HDAC9: variants seen among roughly 807,000 people sequenced by gnomAD.
HDAC9 encodes the protein MEF-2 interacting transcription repressor (MITR) protein.
HDAC9 carries 41 observed loss-of-function variants against 139.4 expected under a neutral mutation model. That is an observed-to-expected ratio of 0.29 (90% CI 0.23 to 0.38). The LOEUF is 0.38. HDAC9 is among the 10% of genes least tolerant of loss of function. HDAC9 has a pLI of 1.00. For synonymous variants in HDAC9, 517 were observed against 476.2 expected (o/e 1.09, Z -1.12); for missense variants, 1,147 against 1,297.0 (o/e 0.88, Z 1.78).
intron 1 of HDAC9, among the ~76,000 whole-genome samples, chr7:18,313,718 G>C (rs1000942252): frequency 1.4e-4 from 22 of 152,206 alleles, no homozygotes; most frequent in Middle Eastern, 3.4e-3. Context: ...TAAACCACTG[G>C]AATAATAACA....
chr7:18,741,235 A>G (rs538424019), intron 13 of HDAC9, among the ~76,000 whole-genome samples: 7 of 152,358 alleles, frequency 4.6e-5, no homozygotes, highest in African/African-American at 1.7e-4. Context: ...ACTTTAAGAG[A>G]TAGAGAGAAA....
chr7:18,563,838 CTTT>C (rs374816857), intron 2 of HDAC9, among the ~76,000 whole-genome samples: 4 of 132,956 alleles, frequency 3.0e-5, no homozygotes, highest in Non-Finnish European at 3.2e-5. Flanking sequence ...TGATTTGCTG[CTTT>C]TTTTTTTTTT....
At chr7:18,219,785 A>C (rs1191787573) in intron 2 of HDAC9, among the ~76,000 whole-genome samples, 1 of 152,218 alleles carries the variant, frequency 6.6e-6, no homozygotes, top group Non-Finnish European at 1.5e-5. Flanking sequence ...TGATATTTTC[A>C]TAATAATTGG....
chr7:18,281,244 C>A (rs898588842), intron 2 of HDAC9, among the ~76,000 whole-genome samples: 1 of 152,320 alleles, frequency 6.6e-6, no homozygotes, highest in East Asian at 1.9e-4. Context: ...GATAAACTTT[C>A]TATATGATGA....
intron 1 of HDAC9, among the ~76,000 whole-genome samples, chr7:18,442,174 A>G (rs1791842374): frequency 2.6e-5 from 4 of 152,186 alleles, no homozygotes; most frequent in Admixed American, 2.6e-4. Flanking sequence ...AGCAACCTAC[A>G]GATGATAGAT....
chr7:18,652,252 A>G (rs1789523758), intron 11 of HDAC9, among the ~76,000 whole-genome samples: 2 of 152,110 alleles, frequency 1.3e-5, no homozygotes, highest in South Asian at 2.1e-4. Flanking sequence ...TTGCCAGTAC[A>G]CCTTGCTTTT....
In HDAC9 at chr7:18,107,355, T is replaced by C. The variant is rs554544609; in HGVS notation, c.-97+20142T>C. On this transcript the variant is annotated intron_variant, in intron 1 of 12. Transcript: ENST00000417496. ...CTCCATAGAAAGTGTTTGGTAAGTT[T>C]TGAACAAATGATTAGACATCCTTTG... 7.7e-4 allele frequency among the ~76,000 whole-genome samples: 118 copies of C among 152,346 alleles called. 1 individual carries two copies. Among genetic ancestry groups the C allele is most frequent in the Non-Finnish European group, 1.5e-3 (101 of 68,028 alleles).
chr7:18,357,856 C>A (rs1233066819), intron 1 of HDAC9, among the ~76,000 whole-genome samples: 1 of 152,134 alleles, frequency 6.6e-6, no homozygotes. Flanking sequence ...GGGGAGGTAA[C>A]TGGCCAGGAC....
intron 6 of HDAC9, among the ~76,000 whole-genome samples, chr7:18,617,914 A>G (rs1281696396): frequency 5.9e-5 from 9 of 152,184 alleles, no homozygotes; most frequent in Admixed American, 5.9e-4. Flanking sequence ...TGGAGGTAGG[A>G]GACTAACTGC....
intron 17 of HDAC9, among the ~76,000 whole-genome samples, chr7:18,807,348 C>G (rs115654135): frequency 0.046 from 7,015 of 152,118 alleles, 558 homozygotes; most frequent in African/African-American, 0.16. Flanking sequence ...ATTAGTTAAT[C>G]TAGTCAAAGG....
chr7:18,186,954 C>T (rs1484306372), intron 2 of HDAC9, among the ~76,000 whole-genome samples: 2 of 152,170 alleles, frequency 1.3e-5, no homozygotes, highest in Non-Finnish European at 2.9e-5. Flanking sequence ...GTGTGGTATA[C>T]TTGGACTGAC....
At chr7:18,751,102 C>G (rs1788406988) in intron 14 of HDAC9, among the ~76,000 whole-genome samples, 1 of 152,130 alleles carries the variant, frequency 6.6e-6, no homozygotes, top group Non-Finnish European at 1.5e-5. Context: ...AGTCTATTAT[C>G]ATCCTTTTCT....
At chr7:18,696,130 T>G (rs1388619932) in intron 12 of HDAC9, among the ~76,000 whole-genome samples, 2 of 151,980 alleles carry the variant, frequency 1.3e-5, no homozygotes, top group East Asian at 3.9e-4. Flanking sequence ...TCCTTAGTAT[T>G]GCCAATCAGA....
intron 1 of HDAC9, among the ~76,000 whole-genome samples, chr7:18,452,062 C>T (rs754008158): frequency 2.0e-5 from 3 of 152,076 alleles, no homozygotes; most frequent in East Asian, 1.9e-4. Flanking sequence ...ATCTGAAGTC[C>T]GGAGTCAGCA....
chr7:18,133,447 CTTGT>C (rs1785157868), intron 1 of HDAC9, among the ~76,000 whole-genome samples: 1 of 152,056 alleles, frequency 6.6e-6, no homozygotes, highest in Non-Finnish European at 1.5e-5. Context: ...AGCATGACTT[CTTGT>C]CATTTTAGGG....
intron 2 of HDAC9, among the ~76,000 whole-genome samples, chr7:18,196,484 C>T (rs1482936421): frequency 1.3e-5 from 2 of 151,978 alleles, no homozygotes; most frequent in Non-Finnish European, 1.5e-5. Context: ...TGTTGAGGAG[C>T]GAATTGGCAT....
intron 1 of HDAC9, among the ~76,000 whole-genome samples, chr7:18,403,592 A>C (rs80156375): frequency 0.03 from 4,528 of 152,292 alleles, 162 homozygotes; most frequent in East Asian, 0.19. Context: ...GGCAAAATGA[A>C]TAATGAGTAA....
At chr7:18,465,959 A>T (rs1432644141) in intron 1 of HDAC9, among the ~76,000 whole-genome samples, 1 of 152,198 alleles carries the variant, frequency 6.6e-6, no homozygotes, top group East Asian at 1.9e-4. Context: ...ATTATTTTAC[A>T]GTTTTGTGAT....
At chr7:18,367,418 G>A (rs1332735415) in intron 1 of HDAC9, among the ~76,000 whole-genome samples, 1 of 152,164 alleles carries the variant, frequency 6.6e-6, no homozygotes, top group East Asian at 1.9e-4. Context: ...ATAAAAATTG[G>A]TAAAGACTCT....
Sources: allele counts gnomAD v4.1 joint callset (sites outside exome capture counted in the v4.1 genomes callset), GRCh38; gene constraint gnomAD v4.1.1; transcripts MANE v1.5; gene names NCBI Gene and HGNC (gene_info 2026-07-23, HGNC 2026-07-21).